The following BST1 variants were observed in gnomAD, a reference collection of about 807,000 sequenced individuals.
The protein encoded by BST1 is ADP-ribosyl cyclase/cyclic ADP-ribose hydrolase 2.
Under a neutral mutation model 40.6 loss-of-function variants are expected in BST1, and 49 were observed. The ratio of observed to expected loss-of-function variants is 1.21; its 90% CI spans 0.96 to 1.53. BST1 has a LOEUF of 1.53. Among genes scored for constraint, BST1 ranks in the 40% most tolerant of loss-of-function variants. The probability of loss-of-function intolerance (pLI) is 0.00; values close to 1 mark genes in which losing one functional copy is unlikely to be tolerated. For missense variants in BST1, 423 were observed against 395.9 expected (o/e 1.07, Z -0.58); for synonymous variants, 157 against 159.3 (o/e 0.99, Z 0.11).
Position 15,703,127 on chromosome 4 carries a change from A to T in BST1, c.-18A>T. The T allele has an allele frequency of 6.3e-7, 1 of 1,583,612 alleles. No individual in the cohort carries two copies. Among genetic ancestry groups the T allele is most frequent in the South Asian group, 1.1e-5 (1 of 87,664 alleles). On this transcript the variant is annotated 5_prime_UTR_variant, in exon 1 of 9. Transcript: ENST00000265016. ...GGGAGTGGAGGAAGCACGGGACTGGAGGGACCAAAGTTCCCCGATGGCGGC... is the reference window on the plus strand; with the variant it reads ...GGGAGTGGAGGAAGCACGGGACTGGTGGGACCAAAGTTCCCCGATGGCGGC...
At chr4:15,720,104 C>A (rs1577583487) in intron 7 of BST1, among the ~76,000 whole-genome samples, 1 of 152,300 alleles carries the variant, frequency 6.6e-6, no homozygotes, top group East Asian at 1.9e-4. Flanking sequence ...TACTCAGCAT[C>A]CCCAGGGGCT....
chr4:15,735,383 C>T (rs759453313), downstream of BST1, among the ~76,000 whole-genome samples: 5 of 152,098 alleles, frequency 3.3e-5, no homozygotes, highest in Non-Finnish European at 5.9e-5. Flanking sequence ...AGACCTTCCA[C>T]GTGTGAATGA....
intron 8 of BST1, among the ~76,000 whole-genome samples, chr4:15,724,563 G>A (rs1013754863): frequency 1.3e-5 from 2 of 152,136 alleles, no homozygotes; most frequent in African/African-American, 4.8e-5. Flanking sequence ...GTGCGTGCCT[G>A]TAACCCCAGC....
rs144539516 is a variant in BST1 at position 15,737,796 on chromosome 4, G to A, written c.*22G>A. Reference sequence around the variant, plus strand: ...TTCTGAACCTGAACAGGAAACTGTGGGAACCATGATGGGGAAGATACTGAC... The same window carrying A: ...TTCTGAACCTGAACAGGAAACTGTGAGAACCATGATGGGGAAGATACTGAC... On this transcript the variant is annotated 3_prime_UTR_variant, in exon 7 of 7. Coordinates refer to the BST1 transcript ENST00000514445. 5.8e-3 allele frequency: 7,413 copies of A among 1,286,386 alleles called. 58 individuals carry two copies. The highest frequency in any genetic ancestry group is 0.016 in the Middle Eastern group (75 of 4,690). The allele number at this position is 1,286,386 out of a possible 1,614,324, so 79.7% of individuals were successfully genotyped here.
At chr4:15,747,859 TA>T in the BST1 span, among the ~76,000 whole-genome samples, 1 of 152,170 alleles carries the variant, frequency 6.6e-6, no homozygotes, top group Non-Finnish European at 1.5e-5. Context: ...TTATTTTTTG[TA>T]GAGATGTGGT....
At chr4:15,715,426 T>G in intron 5 of BST1, 65 bp downstream of exon 5, 1 of 1,532,452 alleles carries the variant, frequency 6.5e-7, no homozygotes, top group South Asian at 1.1e-5. Context: ...TTGTTTTAAA[T>G]AGAGGCTAAA....
At chr4:15,739,808 G>A (rs1466325761), downstream of BST1, among the ~76,000 whole-genome samples, 3 of 152,096 alleles carry the variant, frequency 2.0e-5, no homozygotes, top group Non-Finnish European at 2.9e-5. Flanking sequence ...TATAATCAGA[G>A]TGAAGTCATT....
At position 15,703,199 on chromosome 4, in the gene BST1, C is replaced by G. The variant is rs1719637751; in HGVS notation, c.55C>G (p.Leu19Val). ...SRLLQLLLQL[L>V]LLLLLLAAGG... ...GCTGCTCCAGCTGCTGCTGCAGCTT[C>G]TGCTTCTACTGTTGCTGCTGGCGGC... Residue 19 changes from leucine to valine, a missense_variant, in exon 1 of 9, where the codon CTG becomes GTG. Transcript: ENST00000265016. 1 of 1,555,456 alleles carries G rather than the reference C, an allele frequency of 6.4e-7. No homozygotes were observed. The highest frequency in any genetic ancestry group is 8.7e-7 in the Non-Finnish European group (1 of 1,151,062).
chr4:15,755,757 TGA>T, the BST1 span, among the ~76,000 whole-genome samples: 2 of 152,176 alleles, frequency 1.3e-5, no homozygotes, highest in African/African-American at 4.8e-5. Flanking sequence ...TGTGAGTGTG[TGA>T]GTGTGTGCTC....
intron 6 of BST1, 33 bp from the exon 7 acceptor site, chr4:15,718,870 TTTGC>T: frequency 3.2e-6 from 5 of 1,567,906 alleles, no homozygotes; most frequent in Non-Finnish European, 4.4e-6. Context: ...CCTCCTCTTA[TTTGC>T]TTACTTTTTA....
the BST1 span, among the ~76,000 whole-genome samples, chr4:15,770,558 A>G: frequency 5.3e-5 from 8 of 152,098 alleles, no homozygotes; most frequent in Non-Finnish European, 1.2e-4. Context: ...TACAAAAATT[A>G]GCTGGGCACA....
chr4:15,723,441 G>T, intron 8 of BST1: 1 of 458,818 alleles, frequency 2.2e-6, no homozygotes, highest in Non-Finnish European at 2.9e-6. Flanking sequence ...GTAGAGACGG[G>T]GTTTCACCGT....
At chr4:15,751,591 G>GTGTATATAGATATACACTATATCTA in the BST1 span, among the ~76,000 whole-genome samples, 1 of 151,932 alleles carries the variant, frequency 6.6e-6, no homozygotes, top group Non-Finnish European at 1.5e-5. Context: ...TGTGTATACA[G>GTGTATATAGATATACACTATATCTA]TGTATATAGA....
the BST1 span, among the ~76,000 whole-genome samples, chr4:15,762,349 CAT>C: frequency 1.3e-5 from 2 of 151,004 alleles, no homozygotes; most frequent in African/African-American, 4.9e-5. Flanking sequence ...TAAGTAAAAA[CAT>C]AATTTTCTCT....
At chr4:15,761,025 T>C in the BST1 span, among the ~76,000 whole-genome samples, 4 of 151,704 alleles carry the variant, frequency 2.6e-5, no homozygotes, top group African/African-American at 9.7e-5. Flanking sequence ...GTATGGCATA[T>C]AGTTTTTTTG....
chr4:15,742,099 G>T (rs1285863864), downstream of BST1, among the ~76,000 whole-genome samples: 1 of 152,212 alleles, frequency 6.6e-6, no homozygotes, highest in African/African-American at 2.4e-5. Context: ...GAAGAAGGTG[G>T]TCTCTTCTCT....
At chr4:15,744,685 C>T in the BST1 span, among the ~76,000 whole-genome samples, 2 of 152,158 alleles carry the variant, frequency 1.3e-5, no homozygotes, top group African/African-American at 4.8e-5. Flanking sequence ...AATCGTGAGG[C>T]TTAGGGGCAG....
At chr4:15,753,382 A>G in the BST1 span, among the ~76,000 whole-genome samples, 2 of 152,220 alleles carry the variant, frequency 1.3e-5, no homozygotes, top group African/African-American at 4.8e-5. Context: ...GAAGGTATCC[A>G]TCGTATCTGT....
At chr4:15,762,725 C>A in the BST1 span, among the ~76,000 whole-genome samples, 2 of 151,932 alleles carry the variant, frequency 1.3e-5, no homozygotes, top group Non-Finnish European at 2.9e-5. Flanking sequence ...ACCCCAACTT[C>A]CTGACAATCA....
Sources: allele counts gnomAD v4.1 joint callset (sites outside exome capture counted in the v4.1 genomes callset), GRCh38; gene constraint gnomAD v4.1.1; transcripts MANE v1.5; gene names NCBI Gene and HGNC (gene_info 2026-07-23, HGNC 2026-07-21).